Variants in AKR1D1 observed in about 807,000 individuals in gnomAD.
AKR1D1 encodes the protein delta(4)-3-ketosteroid 5-beta-reductase.
AKR1D1 carries 32 observed loss-of-function variants against 42.6 expected under a neutral mutation model. That is an observed-to-expected ratio of 0.75 (90% CI 0.57 to 1.01). The LOEUF (loss-of-function observed/expected upper bound fraction) is 1.01. Ranked by LOEUF, AKR1D1 falls within the 50% of genes least tolerant of loss-of-function variation. The pLI is 0.00. For missense variants in AKR1D1, 364 were observed against 402.2 expected (o/e 0.91, Z 0.81); for synonymous variants, 123 against 135.5 (o/e 0.91, Z 0.64).
At chr7:138,081,884 G>T (rs1803067493) in intron 1 of AKR1D1, among the ~76,000 whole-genome samples, 1 of 152,074 alleles carries the variant, frequency 6.6e-6, no homozygotes, top group Admixed American at 6.6e-5. Context: ...GCCCAGCCAA[G>T]AACTCCTACC....
At chr7:138,094,206 G>A (rs1398308746) in intron 3 of AKR1D1, among the ~76,000 whole-genome samples, 1 of 152,140 alleles carries the variant, frequency 6.6e-6, no homozygotes, top group Non-Finnish European at 1.5e-5. Flanking sequence ...TTTGGTGTTT[G>A]TTTGTTTGTT....
chr7:138,109,390 C>T lies in AKR1D1; in HGVS notation c.855+1810C>T, dbSNP rs147891802. Among the ~76,000 whole-genome samples the T allele has an allele frequency of 7.3e-3, 1,109 of 152,296 alleles. 16 individuals carry two copies. The highest frequency in any genetic ancestry group is 0.023 in the African/African-American group (968 of 41,578). ...TCCTTTCTCTCCACCCACATGGTGGCACAGACAATTCCTAACAGCTCCAGG... is the reference window on the plus strand; with the variant it reads ...TCCTTTCTCTCCACCCACATGGTGGTACAGACAATTCCTAACAGCTCCAGG... On this transcript the variant is annotated intron_variant, in intron 7 of 8. Coordinates refer to ENST00000242375, the MANE Select transcript of AKR1D1 (RefSeq NM_005989.4).
chr7:138,114,903 T>C (rs566464060), intron 8 of AKR1D1, among the ~76,000 whole-genome samples: 1 of 152,208 alleles, frequency 6.6e-6, no homozygotes, highest in African/African-American at 2.4e-5. Context: ...GATCCTACTG[T>C]TTTTCATGGG....
intron 1 of AKR1D1, among the ~76,000 whole-genome samples, chr7:138,077,559 A>C (rs1249602092): frequency 6.6e-6 from 1 of 152,210 alleles, no homozygotes; most frequent in African/African-American, 2.4e-5. Context: ...GAAATAATTA[A>C]ATTTGACCAT....
intron 4 of AKR1D1, among the ~76,000 whole-genome samples, chr7:138,104,104 C>A (rs1794369393): frequency 6.6e-6 from 1 of 152,074 alleles, no homozygotes; most frequent in Non-Finnish European, 1.5e-5. Flanking sequence ...CACCACAGCA[C>A]TCCAGCCTGG....
rs576933370 is a variant in AKR1D1, at chr7:138,106,368, T to C, written c.580-240T>C. 6.0e-4 allele frequency among the ~76,000 whole-genome samples: 92 copies of C among 152,236 alleles called. No individual in the cohort carries two copies. In the Middle Eastern group the frequency reaches 0.01, roughly 17 times the overall value. ...ATAATACAAAAAATTAAGGGGATGA[T>C]TAAATAAGTTACAAGACATTCATAT... On this transcript the variant is annotated intron_variant, in intron 5 of 8. Transcript: ENST00000242375.
At chr7:138,101,525 T>A (rs1015337888) in intron 4 of AKR1D1, among the ~76,000 whole-genome samples, 5 of 152,094 alleles carry the variant, frequency 3.3e-5, no homozygotes, top group African/African-American at 1.2e-4. Flanking sequence ...AGCCATAACA[T>A]AAATCTCAAT....
intron 1 of AKR1D1, among the ~76,000 whole-genome samples, chr7:138,085,588 G>T (rs996910211): frequency 6.6e-6 from 1 of 151,980 alleles, no homozygotes; most frequent in East Asian, 1.9e-4. Flanking sequence ...GGGATTACAG[G>T]TGTCTACCAC....
chr7:138,091,654 A>AC (rs200504986), intron 2 of AKR1D1, 114 bp from the exon 3 acceptor site: 23,984 of 724,940 alleles, frequency 0.033, 566 homozygotes, highest in Non-Finnish European at 0.046. Context: ...ACATAGTGAG[A>AC]CCCCCCATCT....
intron 8 of AKR1D1, 108 bp from the exon 9 acceptor site, chr7:138,116,512 A>G (rs1562940526): frequency 8.2e-7 from 1 of 1,214,678 alleles, no homozygotes. Context: ...AGAGGAATGA[A>G]TAGGAGAGAG....
chr7:138,086,859 T>C (rs1384735616), intron 1 of AKR1D1, among the ~76,000 whole-genome samples: 1 of 152,186 alleles, frequency 6.6e-6, no homozygotes, highest in Non-Finnish European at 1.5e-5. Flanking sequence ...ACACACACGC[T>C]CTAAAAGATG....
rs760018420 is a variant in AKR1D1 at position 138,088,673 on chromosome 7, T to G, written c.166T>G (p.Tyr56Asp). 1 of 1,613,930 alleles carries G rather than the reference T, an allele frequency of 6.2e-7. No homozygotes were observed. Among genetic ancestry groups the G allele is most frequent in the African/African-American group, 1.3e-5 (1 of 74,904 alleles). The change falls in exon 2 of 9, where the codon TAC becomes GAC. Residue 56 changes from tyrosine (Y) to aspartate (D), a missense_variant. By Grantham distance (160) the Tyr-to-Asp change is radical. Transcript: ENST00000242375. ...AGGGTACCGACATATTGATGGGGCCTACATCTACCAAAATGAACACGAAGT... is the reference window on the plus strand; with the variant it reads ...AGGGTACCGACATATTGATGGGGCCGACATCTACCAAAATGAACACGAAGT... ...DTGYRHIDGA[Y>D]IYQNEHEVGE...
chr7:138,103,631 TA>T (rs146079442), intron 4 of AKR1D1, among the ~76,000 whole-genome samples: 3 of 150,518 alleles, frequency 2.0e-5, no homozygotes, highest in South Asian at 4.2e-4. Context: ...ACTTTACAGG[TA>T]AAAAAAAACA....
Position 138,105,422 on chromosome 7 carries a change from G to T in AKR1D1, c.572G>T (p.Ser191Ile). ...NKPGLKHKPV[S>I]NQVECHPYFT... ...CCAGGACTCAAACACAAGCCAGTCA[G>T]CAACCAGGTACAGCCTAATAGCTTC... The change falls in exon 5 of 9, where the codon AGC (serine) becomes ATC (isoleucine). Residue 191 changes from serine (S) to isoleucine (I), a missense_variant. Transcript: ENST00000242375. 1 of 1,613,982 alleles carries T rather than the reference G, an allele frequency of 6.2e-7. No homozygotes were observed.
In AKR1D1 at chr7:138,107,479, A is replaced by T; in HGVS notation, c.754A>T (p.Asn252Tyr). The T allele has an allele frequency of 6.2e-7, 1 of 1,614,202 alleles. No individual in the cohort carries two copies. Among genetic ancestry groups the T allele is most frequent in the Non-Finnish European group, 8.5e-7 (1 of 1,180,002 alleles). ...ALLNSLGKRY[N>Y]KTAAQIVLRF... is the part of the protein sequence containing the mutation. Reference sequence around the variant, plus strand: ...TCTAAACTCATTGGGGAAAAGGTACAATAAGACAGCAGCTCAAATTGTTTT... The same window carrying T: ...TCTAAACTCATTGGGGAAAAGGTACTATAAGACAGCAGCTCAAATTGTTTT... The change falls in exon 7 of 9, where the codon AAT (asparagine) becomes TAT (tyrosine). Residue 252 changes from asparagine (N) to tyrosine (Y), a missense_variant. Asn to Tyr is a moderately radical substitution (Grantham distance 143). Transcript: ENST00000242375.
At chr7:138,077,296 G>A (rs1315737369) in intron 1 of AKR1D1, among the ~76,000 whole-genome samples, 1 of 152,140 alleles carries the variant, frequency 6.6e-6, no homozygotes, top group African/African-American at 2.4e-5. Flanking sequence ...ATGGCAGAAG[G>A]GAAAGAAAAC....
rs374211470 is a variant in AKR1D1, at chr7:138,105,436, C to G, written c.579+7C>G. ...CAAGCCAGTCAGCAACCAGGTACAG[C>G]CTAATAGCTTCCACTAGGGTGTGGG... On this transcript the variant is annotated splice_region_variant and intron_variant, in intron 5 of 8. Transcript: ENST00000242375. 5 of 1,613,618 alleles carry G rather than the reference C, an allele frequency of 3.1e-6. No homozygotes were observed. The African/African-American group carries it at 5.3e-5, about 17-fold the overall frequency.
At chr7:138,098,931 G>T (rs184906026) in intron 4 of AKR1D1, among the ~76,000 whole-genome samples, 5 of 152,138 alleles carry the variant, frequency 3.3e-5, no homozygotes, top group Admixed American at 3.3e-4. Context: ...TCAGGACTCA[G>T]TTGTAGAGCA....
intron 4 of AKR1D1, among the ~76,000 whole-genome samples, chr7:138,100,028 T>C (rs1257426044): frequency 7.4e-6 from 1 of 134,606 alleles, no homozygotes; most frequent in Non-Finnish European, 1.5e-5. Flanking sequence ...CAGTGTGCTA[T>C]AGTCATGCCT....
Sources: allele counts gnomAD v4.1 joint callset (sites outside exome capture counted in the v4.1 genomes callset), GRCh38; gene constraint gnomAD v4.1.1; transcripts MANE v1.5; gene names NCBI Gene and HGNC (gene_info 2026-07-23, HGNC 2026-07-21).